The following F13A1 variants were observed in gnomAD, a reference collection of about 807,000 sequenced individuals.
F13A1 encodes the protein coagulation factor XIII A chain.
In F13A1, 47 loss-of-function variants were observed where a neutral mutation model predicts 80.1. The observed-to-expected ratio is 0.59, with a 90% CI of 0.46 to 0.75. F13A1 has a LOEUF of 0.75. Ranked by LOEUF, F13A1 falls within the 30% of genes least tolerant of loss-of-function variation. F13A1 has a pLI of 0.00. For missense variants in F13A1, 817 were observed against 930.4 expected, an observed-to-expected ratio of 0.88 and a Z score of 1.59; for synonymous variants, 349 against 344.9, an observed-to-expected ratio of 1.01 and a Z score of -0.13.
At chr6:6,282,904 C>G (rs959950953) in intron 3 of F13A1, among the ~76,000 whole-genome samples, 5 of 152,296 alleles carry the variant, frequency 3.3e-5, no homozygotes, top group Middle Eastern at 3.4e-3. Flanking sequence ...CTGACTCCCC[C>G]ACTACCTAAT....
chr6:6,179,475 A>T (rs1223464719), intron 11 of F13A1, among the ~76,000 whole-genome samples: 1 of 152,196 alleles, frequency 6.6e-6, no homozygotes, highest in East Asian at 1.9e-4. Flanking sequence ...AGAAATTATA[A>T]GAGATTCAAC....
chr6:6,230,688 T>C (rs1271839608), intron 6 of F13A1, among the ~76,000 whole-genome samples: 1 of 152,152 alleles, frequency 6.6e-6, no homozygotes, highest in Non-Finnish European at 1.5e-5. Flanking sequence ...ACAGTGTCCA[T>C]TGTACCCCCT....
chr6:6,289,451 C>A (rs566291106), intron 3 of F13A1, among the ~76,000 whole-genome samples: 6 of 151,970 alleles, frequency 3.9e-5, no homozygotes, highest in Non-Finnish European at 8.8e-5. Flanking sequence ...CACACACACA[C>A]GCACACACAC....
intron 3 of F13A1, among the ~76,000 whole-genome samples, chr6:6,284,088 C>A (rs1032994900): frequency 1.3e-5 from 2 of 152,210 alleles, no homozygotes; most frequent in African/African-American, 4.8e-5. Context: ...AGATTTGTTT[C>A]TAACTTCCAA....
intron 11 of F13A1, 56 bp from the exon 12 acceptor site, chr6:6,174,923 T>C: frequency 6.2e-7 from 1 of 1,602,886 alleles, no homozygotes. Flanking sequence ...AGAGAGAAAG[T>C]CACATTAATG....
At chr6:6,264,474 C>T (rs1313225428) in intron 4 of F13A1, among the ~76,000 whole-genome samples, 1 of 152,196 alleles carries the variant, frequency 6.6e-6, no homozygotes, top group Non-Finnish European at 1.5e-5. Context: ...TCTTCCATCT[C>T]ATTCTCTTTT....
chr6:6,277,941 T>C (rs1758010713), intron 3 of F13A1, among the ~76,000 whole-genome samples: 1 of 152,200 alleles, frequency 6.6e-6, no homozygotes, highest in Non-Finnish European at 1.5e-5. Context: ...CATCTTCCTT[T>C]CCCTTGAAGT....
intron 4 of F13A1, among the ~76,000 whole-genome samples, chr6:6,265,702 T>C (rs940631983): frequency 6.6e-6 from 1 of 152,174 alleles, no homozygotes; most frequent in Admixed American, 6.5e-5. Context: ...GTTTGCAAAA[T>C]TTGCACCCAC....
At chr6:6,195,547 A>C (rs1051757364) in intron 10 of F13A1, among the ~76,000 whole-genome samples, 5 of 152,230 alleles carry the variant, frequency 3.3e-5, no homozygotes, top group African/African-American at 1.2e-4. Context: ...GCAGAGAACT[A>C]AGCTAATGTT....
At chr6:6,319,173 A>G (rs1758732947) in intron 1 of F13A1, among the ~76,000 whole-genome samples, 1 of 152,196 alleles carries the variant, frequency 6.6e-6, no homozygotes, top group South Asian at 2.1e-4. Flanking sequence ...AATTCAACCA[A>G]TATTTATTGA....
chr6:6,175,143 G>A (rs541728040), intron 11 of F13A1, among the ~76,000 whole-genome samples: 1 of 152,280 alleles, frequency 6.6e-6, no homozygotes, highest in Non-Finnish European at 1.5e-5. Flanking sequence ...ATTTCAGGGG[G>A]TGGGAGGTAA....
intron 8 of F13A1, among the ~76,000 whole-genome samples, chr6:6,207,225 A>G (rs1561654481): frequency 6.6e-6 from 1 of 152,260 alleles, no homozygotes; most frequent in East Asian, 1.9e-4. Flanking sequence ...CAGCCTAGAA[A>G]CCAATGAAGG....
chr6:6,201,792 C>T (rs906136173), intron 8 of F13A1, among the ~76,000 whole-genome samples: 1 of 152,132 alleles, frequency 6.6e-6, no homozygotes, highest in African/African-American at 2.4e-5. Context: ...CATCCTCCTG[C>T]CCCAGTCTTT....
intron 10 of F13A1, among the ~76,000 whole-genome samples, chr6:6,183,482 CAG>C (rs537302209): frequency 9.5e-4 from 145 of 152,324 alleles, no homozygotes; most frequent in Non-Finnish European, 1.8e-3. Flanking sequence ...TTCTGTGCAT[CAG>C]AGTCACCTGG....
In F13A1 at chr6:6,145,535, G is replaced by A. The variant is rs1760261396; in HGVS notation, c.*84C>T. On this transcript the variant is annotated 3_prime_UTR_variant, in exon 15 of 15. Transcript: ENST00000264870. ...TCTGGGTCTTCACACCTAAGTCAAA[G>A]CAAGAGCTATTTTTGCGTTAGAATT... 1 of 1,580,632 alleles carries A rather than the reference G, an allele frequency of 6.3e-7. No homozygotes were observed. The highest frequency in any genetic ancestry group is 1.3e-5 in the African/African-American group (1 of 74,316).
Position 6,243,038 on chromosome 6 carries a change from T to C in F13A1, c.798+5274A>G, listed in dbSNP as rs1757503757. Reference sequence around the variant, plus strand: ...TTTGTTCACAATTGTACTCCAGTGTTCAGACTGGTAGATTGCCATAAACAT... The same window carrying C: ...TTTGTTCACAATTGTACTCCAGTGTCCAGACTGGTAGATTGCCATAAACAT... On this transcript the variant is annotated intron_variant, in intron 6 of 14. Transcript: ENST00000264870. The surrounding 1 kb of genome is among the most constrained non-coding windows in gnomAD (Gnocchi z 4.2). Among the ~76,000 whole-genome samples, 1 of 152,208 alleles carries C rather than the reference T, an allele frequency of 6.6e-6. No homozygotes were observed. The highest frequency in any genetic ancestry group is 2.1e-4 in the South Asian group (1 of 4,834).
chr6:6,210,937 G>C (rs565830856), intron 8 of F13A1, among the ~76,000 whole-genome samples: 1 of 151,828 alleles, frequency 6.6e-6, no homozygotes, highest in African/African-American at 2.4e-5. Context: ...CACCGTGTTG[G>C]TCAGGCTGTT....
chr6:6,235,815 A>G (rs1057223672), intron 6 of F13A1, among the ~76,000 whole-genome samples: 1 of 152,126 alleles, frequency 6.6e-6, no homozygotes, highest in African/African-American at 2.4e-5. Context: ...GCTTACGTCT[A>G]TACAAAGACT....
intron 10 of F13A1, among the ~76,000 whole-genome samples, chr6:6,188,250 C>A (rs570445937): frequency 2.1e-4 from 32 of 151,712 alleles, no homozygotes; most frequent in Non-Finnish European, 2.6e-4. Flanking sequence ...TTAGTTATTT[C>A]TTGCCTTCTG....
Sources: allele counts gnomAD v4.1 joint callset (sites outside exome capture counted in the v4.1 genomes callset), GRCh38; gene constraint gnomAD v4.1.1; non-coding constraint Gnocchi (gnomAD v3.1); transcripts MANE v1.5; gene names NCBI Gene and HGNC (gene_info 2026-07-23, HGNC 2026-07-21).